The following LRP11 variants were observed in gnomAD, a reference collection of about 807,000 sequenced individuals.
LRP11 encodes low-density lipoprotein receptor-related protein 11.
Under a neutral mutation model 43.1 loss-of-function variants are expected in LRP11, and 25 were observed. That is an observed-to-expected ratio of 0.58 (90% CI 0.42 to 0.81). The LOEUF (loss-of-function observed/expected upper bound fraction) is 0.81. LRP11 is among the 30% of genes least tolerant of loss of function. The pLI is 0.00. For missense variants in LRP11, 623 were observed against 665.1 expected (o/e 0.94, Z 0.70); for synonymous variants, 316 against 299.4 (o/e 1.06, Z -0.57).
chr6:149,833,125 G>A (rs1274381024), intron 5 of LRP11, among the ~76,000 whole-genome samples: 2 of 151,938 alleles, frequency 1.3e-5, no homozygotes, highest in East Asian at 3.9e-4. Flanking sequence ...TTTTAGTAGA[G>A]ATGGGGTTTC....
At chr6:149,823,644 C>T (rs1583074616) in intron 6 of LRP11, among the ~76,000 whole-genome samples, 1 of 152,144 alleles carries the variant, frequency 6.6e-6, no homozygotes, top group Non-Finnish European at 1.5e-5. Flanking sequence ...GACACACTCA[C>T]GGCACTTGAA....
chr6:149,859,396 A>ATATATATATATATATTTT, intron 1 of LRP11, among the ~76,000 whole-genome samples: 2 of 71,496 alleles, frequency 2.8e-5, no homozygotes, highest in Non-Finnish European at 4.6e-5. Flanking sequence ...ATATATATAT[A>ATATATATATATATATTTT]TTTTTTTTTT....
In LRP11 at chr6:149,830,022, T is replaced by A. The variant is rs867161941; in HGVS notation, c.1253-3663A>T. On this transcript the variant is annotated intron_variant, in intron 5 of 6. Transcript: ENST00000239367. ...TTATTATCCTCTTTTTTTTTTTTTT[T>A]TTTTTGAGACAGAATTTCACTCTTG... Among the ~76,000 whole-genome samples the A allele has an allele frequency of 4.9e-3, 739 of 150,882 alleles. 4 individuals carry two copies. Among genetic ancestry groups the A allele is most frequent in the African/African-American group, 0.017 (711 of 41,088 alleles).
intron 5 of LRP11, among the ~76,000 whole-genome samples, chr6:149,835,240 A>G (rs568448450): frequency 6.6e-4 from 100 of 152,310 alleles, no homozygotes; most frequent in African/African-American, 2.1e-3. Flanking sequence ...CAGCCTCCAG[A>G]GTAGCTGGGA....
rs767819362 is a variant in LRP11 at position 149,853,179 on chromosome 6, A to C, written c.614-19T>G. The C allele has an allele frequency of 3.3e-6, 5 of 1,536,572 alleles. No individual in the cohort carries two copies. In the South Asian group the frequency reaches 6.2e-5, roughly 19 times the overall value. ...TCCTTTTCTGAGAAAGAAAATAAAT[A>C]ATTCATAAAAGATGATTTCTTATTT... is the stretch of plus-strand genomic sequence containing the variant. On this transcript the variant is annotated intron_variant, in intron 1 of 6. Coordinates refer to ENST00000239367, the MANE Select transcript of LRP11 (RefSeq NM_032832.6).
rs903751935 is a variant in LRP11 at position 149,843,206 on chromosome 6, T to C, written c.772-82A>G. 5 of 1,538,168 alleles carry C rather than the reference T, an allele frequency of 3.3e-6. No homozygotes were observed. In the Admixed American group the frequency reaches 8.5e-5, roughly 26 times the overall value. ...CACCATCCTCAACCGAAAGTCCATG[T>C]CCTCAGAGCAGCCCCAGGACCTGCC... On this transcript the variant is annotated intron_variant, in intron 2 of 6. Transcript: ENST00000239367.
intron 2 of LRP11, among the ~76,000 whole-genome samples, chr6:149,844,734 C>T (rs1486218544): frequency 6.6e-6 from 1 of 152,146 alleles, no homozygotes; most frequent in Non-Finnish European, 1.5e-5. Context: ...TGGGATTGTA[C>T]TATTATAAGA....
chr6:149,863,012 A>C (rs9371505), intron 1 of LRP11, among the ~76,000 whole-genome samples: 68,459 of 152,048 alleles, frequency 0.45, 16,124 homozygotes, highest in East Asian at 0.88. Context: ...CGTCAAGAAA[A>C]AGGAGTGGGT....
chr6:149,855,712 TAAAA>T (rs533657838), intron 1 of LRP11, among the ~76,000 whole-genome samples: 6 of 122,550 alleles, frequency 4.9e-5, no homozygotes, highest in African/African-American at 1.6e-4. Context: ...TTTTTTTTTT[TAAAA>T]AAAAAACACA....
At chr6:149,852,079 G>C (rs112171939) in intron 2 of LRP11, among the ~76,000 whole-genome samples, 1 of 152,136 alleles carries the variant, frequency 6.6e-6, no homozygotes, top group African/African-American at 2.4e-5. Flanking sequence ...CCCTTGACAC[G>C]TGGAGATTAT....
At chr6:149,863,285 A>G (rs1200185138) in intron 1 of LRP11, 123 bp downstream of exon 1, 2 of 1,259,692 alleles carry the variant, frequency 1.6e-6, no homozygotes, top group Non-Finnish European at 2.0e-6. Flanking sequence ...CCCATGCCAG[A>G]AACTCTTCTG....
rs1583072490 is a variant in LRP11 at position 149,819,178 on chromosome 6, GAT to G, written c.*1369_*1370del. The G allele has an allele frequency of 6.6e-6, 1 of 152,036 alleles. No individual in the cohort carries two copies. Among genetic ancestry groups the G allele is most frequent in the African/African-American group, 2.4e-5 (1 of 41,388 alleles). 9.4% of individuals were successfully genotyped at this position (152,036 alleles called of 1,614,324 possible). A position where few individuals can be genotyped will look rare whatever the true frequency, so the allele number is the denominator to read the frequency against. ...AACTTTCCATTTGTTCATGTATTTTGATATGTTATATTCCCCACCCGAATTAA... is the reference window on the plus strand; with the variant it reads ...AACTTTCCATTTGTTCATGTATTTTGATGTTATATTCCCCACCCGAATTAA... On this transcript the variant is annotated 3_prime_UTR_variant, in exon 7 of 7. Coordinates refer to ENST00000239367, the MANE Select transcript of LRP11 (RefSeq NM_032832.6).
intron 5 of LRP11, among the ~76,000 whole-genome samples, chr6:149,826,676 C>T (rs575118302): frequency 1.3e-5 from 2 of 152,120 alleles, no homozygotes; most frequent in South Asian, 4.2e-4. Flanking sequence ...CCGGATATCA[C>T]GCCATGAAAA....
At chr6:149,841,778 G>A (rs1368121656) in intron 3 of LRP11, among the ~76,000 whole-genome samples, 2 of 152,000 alleles carry the variant, frequency 1.3e-5, no homozygotes, top group Admixed American at 1.3e-4. Flanking sequence ...AGGGCGTGGT[G>A]GTGCACACCT....
Position 149,827,570 on chromosome 6 carries a change from A to C in LRP11, c.1253-1211T>G, listed in dbSNP as rs971804837. 6.6e-6 allele frequency among the ~76,000 whole-genome samples: 1 copy of C among 152,204 alleles called. No homozygotes were observed. Among genetic ancestry groups the C allele is most frequent in the African/African-American group, 2.4e-5 (1 of 41,466 alleles). The stretch of plus-strand genomic sequence containing the variant: ...ATGTATGTTGGTCCTACATACAGCC[A>C]ATAATTTGGGCTTTCTCCATAAACT... On this transcript the variant is annotated intron_variant, in intron 5 of 6. Transcript: ENST00000239367. The surrounding 1 kb of genome is among the most constrained non-coding windows in gnomAD (Gnocchi z 4.2).
chr6:149,820,781 G>A (rs1382232791), intron 6 of LRP11, 78 bp from the exon 7 acceptor site: 9 of 707,706 alleles, frequency 1.3e-5, no homozygotes, highest in African/African-American at 5.3e-5. Flanking sequence ...TATGATACGC[G>A]CTTTGCATGC....
At position 149,859,862 on chromosome 6, in the gene LRP11, T is replaced by C. The variant is rs541339209; in HGVS notation, c.613+3546A>G. 3.9e-5 allele frequency among the ~76,000 whole-genome samples: 6 copies of C among 152,318 alleles called. No homozygotes were observed. In the South Asian group the frequency reaches 1.2e-3, roughly 32 times the overall value. ...TGTCTTCCTTCCAGATATGGAAGTT[T>C]ACTTCCTTTAAGTTTTTTTATGTAT... On this transcript the variant is annotated intron_variant, in intron 1 of 6. Coordinates refer to ENST00000239367, the MANE Select transcript of LRP11 (RefSeq NM_032832.6).
At chr6:149,859,633 C>G (rs1776861230) in intron 1 of LRP11, among the ~76,000 whole-genome samples, 1 of 151,782 alleles carries the variant, frequency 6.6e-6, no homozygotes, top group Non-Finnish European at 1.5e-5. Flanking sequence ...TGGCCTCCAG[C>G]AATCCACCTG....
In LRP11 at chr6:149,836,104, T is replaced by C. The variant is rs1420150581; in HGVS notation, c.1233A>G (p.Gln411=). ...NHSAFWGPES[Q]IIPVMPDSSS... ...CCTTACCTGGCATCACAGGAATGATTTGACTCTCTGGTCCCCAAAAGGCGG... is the reference window on the plus strand; with the variant it reads ...CCTTACCTGGCATCACAGGAATGATCTGACTCTCTGGTCCCCAAAAGGCGG... Residue 411 remains glutamine (Q), a synonymous_variant, in exon 5 of 7, where the codon CAA becomes CAG. Transcript: ENST00000239367. 3 of 1,614,182 alleles carry C rather than the reference T, an allele frequency of 1.9e-6. No individual in the cohort carries two copies. Among genetic ancestry groups the C allele is most frequent in the Non-Finnish European group, 2.5e-6 (3 of 1,180,024 alleles).
Sources: gnomAD v4.1 joint callset for allele counts (sites outside exome capture counted in the v4.1 genomes callset) on GRCh38, gnomAD v4.1.1 for gene constraint, Gnocchi (gnomAD v3.1) non-coding constraint, MANE v1.5 for transcripts, NCBI Gene and HGNC (gene_info 2026-07-23, HGNC 2026-07-21) for gene names.